The following CFAP251 variants were observed in gnomAD, a reference collection of about 807,000 sequenced individuals.
The protein encoded by CFAP251 is cilia and flagella associated protein 251.
Under a neutral mutation model 126.7 loss-of-function variants are expected in CFAP251, and 93 were observed. That is an observed-to-expected ratio of 0.73 (90% CI 0.62 to 0.87). CFAP251 has a LOEUF of 0.87. Among genes scored for constraint, CFAP251 ranks in the 40% least tolerant of loss-of-function variants. The probability of loss-of-function intolerance (pLI) is 0.00; values close to 1 mark genes in which losing one functional copy is unlikely to be tolerated. For missense variants in CFAP251, 1,287 were observed against 1,389.2 expected (o/e 0.93, Z 1.17); for synonymous variants, 503 against 506.9 (o/e 0.99, Z 0.10).
In CFAP251 at chr12:121,969,636, C is replaced by A. The variant is rs138270228; in HGVS notation, c.2771+1467C>A. On this transcript the variant is annotated intron_variant, in intron 17 of 21. Coordinates refer to ENST00000288912, the MANE Select transcript of CFAP251 (RefSeq NM_144668.6). ...GAGTAGCTGGGACCACAGGCATATG[C>A]CAATGTGCCTGGCTAACTTTAAAAA... The A allele has an allele frequency of 2.8e-3, 2,078 of 741,546 alleles. 5 individuals are homozygous for A. The highest frequency in any genetic ancestry group is 3.9e-3 in the Admixed American group (62 of 15,990). 45.9% of individuals were successfully genotyped at this position (741,546 alleles called of 1,614,324 possible). A position where few individuals can be genotyped will look rare whatever the true frequency, so the allele number is the denominator to read the frequency against.
At chr12:122,000,028 G>A (rs1295960369) in intron 20 of CFAP251, 84 bp downstream of exon 20, 2 of 1,248,288 alleles carry the variant, frequency 1.6e-6, no homozygotes, top group African/African-American at 3.0e-5. Context: ...CAGCCCCTGT[G>A]GAGCTCCATC....
chr12:121,933,846 A>G (rs1169341070), intron 4 of CFAP251, among the ~76,000 whole-genome samples: 1 of 152,076 alleles, frequency 6.6e-6, no homozygotes, highest in Non-Finnish European at 1.5e-5. Flanking sequence ...GGGAGTAGAG[A>G]GACCAGTGAG....
chr12:121,933,886 C>A (rs1438232302), intron 4 of CFAP251, among the ~76,000 whole-genome samples: 1 of 152,006 alleles, frequency 6.6e-6, no homozygotes, highest in Non-Finnish European at 1.5e-5. Context: ...TGCTCAGAGC[C>A]CTGAAGTGAG....
At position 121,923,858 on chromosome 12, in the gene CFAP251, CAG is replaced by C. The variant is rs1447479840; in HGVS notation, c.620_621del (p.Glu207GlyfsTer35). ...QERRDLEPEN[R>X]EEGQERRVSD... Reference sequence around the variant, plus strand: ...AAAGAAGGGACTTGGAGCCAGAAAACAGAGAGGAGGGACAAGAAAGGAGAGTA... The same window carrying C: ...AAAGAAGGGACTTGGAGCCAGAAAACAGAGGAGGGACAAGAAAGGAGAGTA... On this transcript the variant is annotated frameshift_variant, in exon 3 of 22. Transcript: ENST00000288912. LOFTEE classifies it high-confidence loss of function. 4 of 1,614,114 alleles carry C rather than the reference CAG, an allele frequency of 2.5e-6. No homozygotes were observed. Among genetic ancestry groups the C allele is most frequent in the Non-Finnish European group, 3.4e-6 (4 of 1,180,030 alleles).
At chr12:121,979,861 CG>C (rs1882576361) in intron 19 of CFAP251, among the ~76,000 whole-genome samples, 1 of 152,144 alleles carries the variant, frequency 6.6e-6, no homozygotes, top group African/African-American at 2.4e-5. Context: ...CCACCGTGCC[CG>C]GCCTCAGCCT....
intron 19 of CFAP251, chr12:121,992,349 G>A (rs1237471618): frequency 1.0e-6 from 1 of 985,372 alleles, no homozygotes; most frequent in Non-Finnish European, 1.2e-6. Flanking sequence ...CTCCGTGCTT[G>A]TTGAGTAGTG....
chr12:121,945,953 A>G (rs1881310162), intron 7 of CFAP251, among the ~76,000 whole-genome samples: 1 of 152,248 alleles, frequency 6.6e-6, no homozygotes, highest in Middle Eastern at 3.2e-3. Context: ...GGCGTGAGCC[A>G]CCATGCCTGG....
intron 3 of CFAP251, among the ~76,000 whole-genome samples, chr12:121,931,094 GTCTAC>G (rs1880667619): frequency 6.6e-6 from 1 of 152,048 alleles, no homozygotes; most frequent in Non-Finnish European, 1.5e-5. Context: ...ATTGTAACTT[GTCTAC>G]TCTACATGCT....
At chr12:121,980,927 G>A (rs1035896213) in intron 19 of CFAP251, among the ~76,000 whole-genome samples, 4 of 152,124 alleles carry the variant, frequency 2.6e-5, no homozygotes, top group Admixed American at 1.3e-4. Flanking sequence ...TCTGAACGCC[G>A]GAGTCTGCTC....
At chr12:121,952,959 G>C (rs998443824) in intron 9 of CFAP251, 1 of 152,122 alleles carries the variant, frequency 6.6e-6, no homozygotes, top group African/African-American at 2.4e-5. Flanking sequence ...TATAGGGGTA[G>C]GTTTCTGTGA....
At chr12:121,924,090 A>G in intron 3 of CFAP251, 100 bp downstream of exon 3, 1 of 1,366,984 alleles carries the variant, frequency 7.3e-7, no homozygotes. Context: ...CACCAGAAGG[A>G]TACTTTTTAA....
At chr12:121,979,438 G>C (rs1882559868) in intron 19 of CFAP251, among the ~76,000 whole-genome samples, 1 of 152,124 alleles carries the variant, frequency 6.6e-6, no homozygotes, top group Non-Finnish European at 1.5e-5. Flanking sequence ...CAGCCAATCG[G>C]AATCTCCAAG....
In CFAP251 at chr12:121,923,897, G is replaced by A. The variant is rs1880294601; in HGVS notation, c.654G>A (p.Gln218=). The change falls in exon 3 of 22, where the codon CAG becomes CAA. Residue 218 remains glutamine (Q), a synonymous_variant. Transcript: ENST00000288912. ...AAGAAAGGAGAGTATCCGACATCCA[G>A]TCCAAAGCAGGGATCTCCCGGGAGT... The part of the protein sequence containing the change: ...EGQERRVSDI[Q]SKAGISRESL... 1.2e-6 allele frequency: 2 copies of A among 1,614,128 alleles called. No individual in the cohort carries two copies. Among genetic ancestry groups the A allele is most frequent in the Admixed American group, 1.7e-5 (1 of 59,994 alleles).
chr12:121,954,658 A>C (rs932355440), intron 10 of CFAP251, among the ~76,000 whole-genome samples: 6 of 139,752 alleles, frequency 4.3e-5, no homozygotes, highest in African/African-American at 1.1e-4. Flanking sequence ...AAAAAAAAAA[A>C]AAAAAAAAAA....
chr12:121,931,893 A>G lies in CFAP251; in HGVS notation c.888+7A>G, dbSNP rs1421508363. 2 of 1,534,130 alleles carry G rather than the reference A, an allele frequency of 1.3e-6. No individual in the cohort carries two copies. Among genetic ancestry groups the G allele is most frequent in the Non-Finnish European group, 1.8e-6 (2 of 1,142,550 alleles). The stretch of plus-strand genomic sequence containing the variant: ...CAATCAATACCACCTTCAGGTATGC[A>G]GGGATTTCCTTCCTACAGGTGGGGG... On this transcript the variant is annotated splice_region_variant and intron_variant, in intron 4 of 21. Transcript: ENST00000288912.
At chr12:121,956,221 T>C (rs79080337) in intron 10 of CFAP251, among the ~76,000 whole-genome samples, 1,867 of 152,312 alleles carry the variant, frequency 0.012, 42 homozygotes, top group African/African-American at 0.043. Flanking sequence ...AAGTGGCTAG[T>C]GTCCCATTGC....
Position 121,942,882 on chromosome 12 carries a change from C to T in CFAP251, c.1111-13C>T. On this transcript the variant is annotated splice_polypyrimidine_tract_variant and intron_variant, in intron 6 of 21. Coordinates refer to ENST00000288912, the MANE Select transcript of CFAP251 (RefSeq NM_144668.6). Reference sequence around the variant, plus strand: ...AGACCTTCTCATGCCCCTCTCTCTACTGTCACCTACAGAAGGTATGCATCT... The same window carrying T: ...AGACCTTCTCATGCCCCTCTCTCTATTGTCACCTACAGAAGGTATGCATCT... The T allele has an allele frequency of 6.2e-7, 1 of 1,614,060 alleles. No homozygotes were observed. Among genetic ancestry groups the T allele is most frequent in the South Asian group, 1.1e-5 (1 of 91,082 alleles).
intron 19 of CFAP251, among the ~76,000 whole-genome samples, chr12:121,979,938 C>T (rs537700080): frequency 2.0e-5 from 3 of 152,308 alleles, no homozygotes; most frequent in Admixed American, 2.0e-4. Context: ...AATTCCAGGT[C>T]CAGAGGGAGT....
chr12:121,946,938 AAGCTT>A (rs1365023418), intron 7 of CFAP251, among the ~76,000 whole-genome samples: 4 of 152,132 alleles, frequency 2.6e-5, no homozygotes, highest in Admixed American at 6.5e-5. Flanking sequence ...GATTTTTGTA[AAGCTT>A]ATCCTTTAGG....
Sources: allele counts gnomAD v4.1 joint callset (sites outside exome capture counted in the v4.1 genomes callset), GRCh38; gene constraint gnomAD v4.1.1; transcripts MANE v1.5; gene names NCBI Gene and HGNC (gene_info 2026-07-23, HGNC 2026-07-21).